The following FRK variants were observed in gnomAD, a reference collection of about 807,000 sequenced individuals.
FRK encodes fyn related Src family tyrosine kinase.
A neutral mutation model predicts 56.4 loss-of-function variants in FRK; 51 were observed. That is an observed-to-expected ratio of 0.90 (90% CI 0.72 to 1.14). The LOEUF is 1.14. Among genes scored for constraint, FRK ranks in the 50% most tolerant of loss-of-function variants. The probability of loss-of-function intolerance (pLI) is 0.00; values close to 1 mark genes in which losing one functional copy is unlikely to be tolerated. For synonymous variants in FRK, 245 were observed against 217.9 expected (o/e 1.12, Z -1.10); for missense variants, 570 against 601.4 (o/e 0.95, Z 0.55).
intron 4 of FRK, among the ~76,000 whole-genome samples, chr6:115,959,323 A>C (rs1773231608): frequency 6.6e-6 from 1 of 152,086 alleles, no homozygotes; most frequent in Non-Finnish European, 1.5e-5. Flanking sequence ...GTTTTTTTTT[A>C]ACATGAGAAA....
the FRK span, among the ~76,000 whole-genome samples, chr6:116,080,056 T>A: frequency 1.3e-5 from 2 of 152,236 alleles, no homozygotes; most frequent in Non-Finnish European, 2.9e-5. Flanking sequence ...GTACTTTTTT[T>A]ATAATAAAAG....
chr6:116,054,877 C>T (rs1210964532), intron 1 of FRK, among the ~76,000 whole-genome samples: 1 of 151,862 alleles, frequency 6.6e-6, no homozygotes, highest in Non-Finnish European at 1.5e-5. Context: ...ATTCTGATGA[C>T]TTTTAAAATG....
chr6:116,065,874 T>C (rs556417623), upstream of FRK, among the ~76,000 whole-genome samples: 3 of 152,336 alleles, frequency 2.0e-5, no homozygotes, highest in South Asian at 2.1e-4. Context: ...TTATATCTTA[T>C]GTAGTCTAAT....
At chr6:116,051,669 A>G (rs993562781) in intron 1 of FRK, among the ~76,000 whole-genome samples, 1 of 152,134 alleles carries the variant, frequency 6.6e-6, no homozygotes. Flanking sequence ...ACTGCTATTA[A>G]TCTATATAAC....
chr6:116,023,567 C>G (rs1482949743), intron 1 of FRK, among the ~76,000 whole-genome samples: 2 of 152,050 alleles, frequency 1.3e-5, no homozygotes, highest in Non-Finnish European at 2.9e-5. Context: ...ATATGAAGTG[C>G]CAGCATAGGC....
At chr6:115,958,209 G>A (rs1330760884) in intron 4 of FRK, among the ~76,000 whole-genome samples, 1 of 152,118 alleles carries the variant, frequency 6.6e-6, no homozygotes, top group Admixed American at 6.5e-5. Context: ...CATAATAAGG[G>A]ACTTTGTTCT....
chr6:116,067,006 G>A, the FRK span, among the ~76,000 whole-genome samples: 5 of 152,238 alleles, frequency 3.3e-5, no homozygotes, highest in South Asian at 2.1e-4. Flanking sequence ...TTGGAAATAC[G>A]GTCTTTACAG....
chr6:115,989,698 T>C lies in FRK; in HGVS notation c.466+14179A>G, dbSNP rs190275877. On this transcript the variant is annotated intron_variant, in intron 2 of 7. Transcript: ENST00000606080. The stretch of plus-strand genomic sequence containing the variant: ...TTATTCAACCATTGATTGACACTTA[T>C]GTTGATACCACATGACCTTGCTATT... 4.2e-4 allele frequency among the ~76,000 whole-genome samples: 64 copies of C among 152,006 alleles called. 1 individual carries two copies. Among genetic ancestry groups the C allele is most frequent in the Middle Eastern group, 6.8e-3 (2 of 294 alleles).
intron 2 of FRK, among the ~76,000 whole-genome samples, chr6:115,980,816 G>A (rs1301238123): frequency 6.6e-6 from 1 of 151,966 alleles, no homozygotes; most frequent in African/African-American, 2.4e-5. Context: ...TTATACATAA[G>A]CCAGTGAGAA....
At chr6:116,011,836 T>C (rs951273971) in intron 1 of FRK, among the ~76,000 whole-genome samples, 2 of 152,202 alleles carry the variant, frequency 1.3e-5, no homozygotes, top group Non-Finnish European at 2.9e-5. Flanking sequence ...CACAACACTA[T>C]GAAGAAAATC....
upstream of FRK, among the ~76,000 whole-genome samples, chr6:116,062,410 C>G (rs987053332): frequency 6.7e-5 from 10 of 149,614 alleles, no homozygotes; most frequent in African/African-American, 2.5e-4. Flanking sequence ...AATGCCCCAA[C>G]AGAGGCACAG....
chr6:116,032,343 T>A (rs1465905288), intron 1 of FRK, among the ~76,000 whole-genome samples: 1 of 152,090 alleles, frequency 6.6e-6, no homozygotes, highest in African/African-American at 2.4e-5. Flanking sequence ...CTTACAATGT[T>A]CTCTTACATG....
At position 115,937,058 on chromosome 6, in the gene FRK, G is replaced by A. The variant is rs1002756172; in HGVS notation, c.*5356C>T. 1.3e-5 allele frequency: 2 copies of A among 152,184 alleles called. No individual in the cohort carries two copies. Among genetic ancestry groups the A allele is most frequent in the African/African-American group, 4.8e-5 (2 of 41,418 alleles). The allele number at this position is 152,184 out of a possible 1,614,324, so 9.4% of individuals were successfully genotyped here. On this transcript the variant is annotated 3_prime_UTR_variant, in exon 8 of 8. Coordinates refer to ENST00000606080, the MANE Select transcript of FRK (RefSeq NM_002031.3). Reference sequence around the variant, plus strand: ...CCAAGGTTGAAATGAAGGAAAAAATGTTAAGGGCAGCCAGAGAGAAAGGTC... The same window carrying A: ...CCAAGGTTGAAATGAAGGAAAAAATATTAAGGGCAGCCAGAGAGAAAGGTC...
intron 1 of FRK, among the ~76,000 whole-genome samples, chr6:116,022,543 A>T (rs756115973): frequency 1.3e-5 from 2 of 152,170 alleles, no homozygotes; most frequent in African/African-American, 4.8e-5. Flanking sequence ...TTGAAAAAGA[A>T]AAACTATATA....
At chr6:116,094,667 G>A in the FRK span, among the ~76,000 whole-genome samples, 7 of 152,308 alleles carry the variant, frequency 4.6e-5, no homozygotes, top group Non-Finnish European at 7.4e-5. Context: ...TACCAAAGCC[G>A]TCAAAAGGGG....
At chr6:115,995,135 T>A (rs1236997440) in intron 2 of FRK, among the ~76,000 whole-genome samples, 1 of 152,154 alleles carries the variant, frequency 6.6e-6, no homozygotes, top group East Asian at 1.9e-4. Flanking sequence ...ACTGAAGGTG[T>A]GAGAGTATCT....
intron 1 of FRK, among the ~76,000 whole-genome samples, chr6:116,056,700 G>A (rs1777413162): frequency 6.6e-6 from 1 of 152,154 alleles, no homozygotes; most frequent in East Asian, 1.9e-4. Flanking sequence ...ATTAAAGAAA[G>A]TTCTGATTAA....
At chr6:116,027,715 T>C (rs572604428) in intron 1 of FRK, among the ~76,000 whole-genome samples, 1 of 151,836 alleles carries the variant, frequency 6.6e-6, no homozygotes, top group East Asian at 1.9e-4. Context: ...CCTATAGGTC[T>C]ACAACAGATT....
intron 1 of FRK, chr6:116,038,709 A>G: frequency 2.4e-6 from 1 of 422,202 alleles, no homozygotes. Context: ...CAACCTAGAA[A>G]ATCACTGAAG....
Sources: allele counts gnomAD v4.1 joint callset (sites outside exome capture counted in the v4.1 genomes callset), GRCh38; gene constraint gnomAD v4.1.1; transcripts MANE v1.5; gene names NCBI Gene and HGNC (gene_info 2026-07-23, HGNC 2026-07-21).